The following ILRUN variants were observed in gnomAD, a reference collection of about 807,000 sequenced individuals.
ILRUN encodes the protein protein ILRUN.
ILRUN carries 3 observed loss-of-function variants against 33.8 expected under a neutral mutation model. The observed-to-expected ratio is 0.09, with a 90% CI of 0.04 to 0.23. The LOEUF is 0.23. Among genes scored for constraint, ILRUN ranks in the 10% least tolerant of loss-of-function variants. ILRUN has a pLI of 1.00. For missense variants in ILRUN, 210 were observed against 375.1 expected, an observed-to-expected ratio of 0.56 and a Z score of 3.64; for synonymous variants, 124 against 138.9, an observed-to-expected ratio of 0.89 and a Z score of 0.75.
At chr6:34,689,643 A>G (rs1218901082) in intron 1 of ILRUN, among the ~76,000 whole-genome samples, 1 of 152,024 alleles carries the variant, frequency 6.6e-6, no homozygotes, top group African/African-American at 2.4e-5. Context: ...TGAGAAACTC[A>G]TTTAGCACGG....
rs139207564 is a variant in ILRUN at position 34,689,481 on chromosome 6, T to C, written c.158+6965A>G. Among the ~76,000 whole-genome samples the C allele has an allele frequency of 8.6e-4, 131 of 152,330 alleles. 2 individuals carry two copies. Among genetic ancestry groups the C allele is most frequent in the Middle Eastern group, 3.4e-3 (1 of 294 alleles). On this transcript the variant is annotated intron_variant, in intron 1 of 4. Transcript: ENST00000374023. Reference sequence around the variant, plus strand: ...TTAAAAAATGTAATAGAGTACATAATACTCTATCACTGTTATGTAGCCCTT... The same window carrying C: ...TTAAAAAATGTAATAGAGTACATAACACTCTATCACTGTTATGTAGCCCTT...
At chr6:34,616,791 T>C in intron 3 of ILRUN, 1 of 689,028 alleles carries the variant, frequency 1.5e-6, no homozygotes, top group Non-Finnish European at 2.6e-6. Context: ...GCATTTATCA[T>C]TAGGATCAGA....
chr6:34,641,648 C>T (rs960834610), intron 3 of ILRUN, among the ~76,000 whole-genome samples: 2 of 152,050 alleles, frequency 1.3e-5, no homozygotes, highest in African/African-American at 4.8e-5. Flanking sequence ...AACAAAAATG[C>T]TTGAAAACTA....
At chr6:34,618,867 A>T (rs534540652) in intron 3 of ILRUN, among the ~76,000 whole-genome samples, 1 of 152,344 alleles carries the variant, frequency 6.6e-6, no homozygotes, top group South Asian at 2.1e-4. Context: ...GGGCATCAGA[A>T]AAGATAGAGA....
chr6:34,687,786 G>A (rs9462001), intron 1 of ILRUN, among the ~76,000 whole-genome samples: 27,629 of 149,972 alleles, frequency 0.18, 3,215 homozygotes, highest in African/African-American at 0.33. Flanking sequence ...AATAACAAGT[G>A]TTGGCAAAGA....
At chr6:34,624,874 A>G (rs1762083719) in intron 3 of ILRUN, among the ~76,000 whole-genome samples, 1 of 152,206 alleles carries the variant, frequency 6.6e-6, no homozygotes, top group Non-Finnish European at 1.5e-5. Context: ...TCTTGGTGAA[A>G]GCTTTTGCTT....
rs140305007 is a variant in ILRUN at position 34,603,196 on chromosome 6, C to A, written c.861+3359G>T. Among the ~76,000 whole-genome samples the A allele has an allele frequency of 3.3e-3, 502 of 152,300 alleles. 12 individuals are homozygous for A. Among genetic ancestry groups the A allele is most frequent in the Admixed American group, 0.026 (400 of 15,300 alleles). ...TGATCCCTGACACTAGCACCTTAGG[C>A]ACCCCTCCTCCCTAGCCAATAAAGA... On this transcript the variant is annotated intron_variant, in intron 4 of 4. Transcript: ENST00000374023.
At chr6:34,606,935 C>T in intron 3 of ILRUN, 31 bp from the exon 4 acceptor site, 1 of 1,549,628 alleles carries the variant, frequency 6.5e-7, no homozygotes, top group East Asian at 2.3e-5. Flanking sequence ...ATTTCAATGC[C>T]AGGCTTACCC....
intron 4 of ILRUN, among the ~76,000 whole-genome samples, chr6:34,602,105 G>C (rs563454466): frequency 6.6e-6 from 1 of 152,196 alleles, no homozygotes; most frequent in African/African-American, 2.4e-5. Context: ...GCATATACCA[G>C]CCTCGAACAC....
chr6:34,655,110 G>A (rs2127366099), intron 1 of ILRUN, among the ~76,000 whole-genome samples: 1 of 152,136 alleles, frequency 6.6e-6, no homozygotes, highest in East Asian at 1.9e-4. Flanking sequence ...GGCATTCAAA[G>A]AAGCACTACT....
intron 1 of ILRUN, among the ~76,000 whole-genome samples, chr6:34,674,160 G>A (rs1188825536): frequency 6.6e-6 from 1 of 152,054 alleles, no homozygotes; most frequent in Non-Finnish European, 1.5e-5. Context: ...CGGAGTAGCT[G>A]GGATTACAGG....
At chr6:34,688,112 G>T (rs533884134) in intron 1 of ILRUN, among the ~76,000 whole-genome samples, 1 of 152,312 alleles carries the variant, frequency 6.6e-6, no homozygotes, top group South Asian at 2.1e-4. Context: ...AAAAGAGTGA[G>T]GCCAGGGGTG....
chr6:34,599,186 T>C (rs1554182570), intron 4 of ILRUN, among the ~76,000 whole-genome samples: 1 of 152,270 alleles, frequency 6.6e-6, no homozygotes, highest in Non-Finnish European at 1.5e-5. Flanking sequence ...CAATTTGCTG[T>C]GTGAATGTGA....
At chr6:34,658,492 T>TTC (rs1554187291) in intron 1 of ILRUN, among the ~76,000 whole-genome samples, 1 of 142,540 alleles carries the variant, frequency 7.0e-6, no homozygotes, top group African/African-American at 2.5e-5. Context: ...TTCTTTTTCT[T>TTC]TTTTTTTTTT....
chr6:34,614,443 A>AAAAAAAATATAT (rs71000073), intron 3 of ILRUN, among the ~76,000 whole-genome samples: 20 of 133,582 alleles, frequency 1.5e-4, no homozygotes, highest in African/African-American at 3.7e-4. Flanking sequence ...AAAAAAAAAA[A>AAAAAAAATATAT]ATATATATAT....
chr6:34,642,897 G>A (rs550560310), intron 3 of ILRUN, among the ~76,000 whole-genome samples: 1 of 150,746 alleles, frequency 6.6e-6, no homozygotes, highest in Non-Finnish European at 1.5e-5. Flanking sequence ...GGAGGCTGAG[G>A]CAAGAGGATC....
At chr6:34,651,749 T>A (rs867398353) in intron 2 of ILRUN, among the ~76,000 whole-genome samples, 4 of 139,730 alleles carry the variant, frequency 2.9e-5, no homozygotes, top group Non-Finnish European at 6.2e-5. Flanking sequence ...AAAAAAAAAA[T>A]TATATATATA....
At chr6:34,660,843 A>G (rs186303016) in intron 1 of ILRUN, among the ~76,000 whole-genome samples, 35 of 152,366 alleles carry the variant, frequency 2.3e-4, no homozygotes, top group Non-Finnish European at 3.4e-4. Flanking sequence ...AAACAGAAAG[A>G]TGACCGCAAA....
At chr6:34,590,747 T>C (rs1021106303) in intron 4 of ILRUN, 147 bp from the exon 5 acceptor site, 2 of 631,274 alleles carry the variant, frequency 3.2e-6, no homozygotes, top group African/African-American at 3.6e-5. Context: ...ATACAAAACC[T>C]CGGCAGGCCA....
Sources: allele counts gnomAD v4.1 joint callset (sites outside exome capture counted in the v4.1 genomes callset), GRCh38; gene constraint gnomAD v4.1.1; transcripts MANE v1.5; gene names NCBI Gene and HGNC (gene_info 2026-07-23, HGNC 2026-07-21).